The following CTNNA2 variants were observed in gnomAD, a reference collection of about 807,000 sequenced individuals.
The protein encoded by CTNNA2 is catenin alpha 2, also known as catenin alpha-2.
CTNNA2 carries 42 observed loss-of-function variants against 101.0 expected under a neutral mutation model. The ratio of observed to expected loss-of-function variants is 0.42; its 90% CI spans 0.32 to 0.54. CTNNA2 has a LOEUF of 0.54. CTNNA2 is among the 20% of genes least tolerant of loss of function. CTNNA2 has a pLI of 0.14. For synonymous variants in CTNNA2, 450 were observed against 456.4 expected (o/e 0.99, Z 0.18); for missense variants, 871 against 1,223.1 (o/e 0.71, Z 4.29).
intron 7 of CTNNA2, among the ~76,000 whole-genome samples, chr2:80,182,281 G>T: frequency 6.6e-6 from 1 of 152,142 alleles, no homozygotes; most frequent in Non-Finnish European, 1.5e-5. Flanking sequence ...ATGTTTGAGG[G>T]CAGGAAGCAT....
chr2:79,994,641 G>A (rs1290503047), intron 7 of CTNNA2, among the ~76,000 whole-genome samples: 1 of 151,958 alleles, frequency 6.6e-6, no homozygotes, highest in African/African-American at 2.4e-5. Context: ...TAAGGATATC[G>A]CTAAAATCAG....
At chr2:79,482,508 C>T (rs1282118518) in intron 4 of CTNNA2, among the ~76,000 whole-genome samples, 1 of 152,188 alleles carries the variant, frequency 6.6e-6, no homozygotes, top group Non-Finnish European at 1.5e-5. Context: ...CTGGTAGTGA[C>T]ACCTTGGGAT....
At chr2:79,251,547 A>G (rs1192608119) in intron 2 of CTNNA2, among the ~76,000 whole-genome samples, 2 of 152,164 alleles carry the variant, frequency 1.3e-5, no homozygotes, top group Non-Finnish European at 2.9e-5. Flanking sequence ...ATTAGGTTAT[A>G]AAAGAACATA....
At chr2:80,331,362 A>ACT (rs570949576) in intron 7 of CTNNA2, among the ~76,000 whole-genome samples, 32 of 152,134 alleles carry the variant, frequency 2.1e-4, no homozygotes, top group Non-Finnish European at 4.4e-4. Flanking sequence ...GGGTTTAAAT[A>ACT]CTCTCCAATT....
chr2:79,735,608 AGGCTTGCCTCAT>A (rs1159261477), intron 2 of CTNNA2, among the ~76,000 whole-genome samples: 3 of 152,214 alleles, frequency 2.0e-5, no homozygotes, highest in African/African-American at 7.2e-5. Context: ...CTGAGTTACA[AGGCTTGCCTCAT>A]GGCCTTACTT....
intron 7 of CTNNA2, among the ~76,000 whole-genome samples, chr2:79,993,982 C>T (rs1024528264): frequency 6.6e-6 from 1 of 152,170 alleles, no homozygotes; most frequent in African/African-American, 2.4e-5. Context: ...CAGCTCACTG[C>T]AGCCTCAACC....
At position 80,079,671 on chromosome 2, in the gene CTNNA2, G is replaced by A. The variant is rs183466442; in HGVS notation, c.1056+169874G>A. Among the ~76,000 whole-genome samples, 426 of 151,880 alleles carry A rather than the reference G, an allele frequency of 2.8e-3. 1 individual carries two copies. The highest frequency in any genetic ancestry group is 5.9e-3 in the Admixed American group (90 of 15,268). On this transcript the variant is annotated intron_variant, in intron 7 of 18. Coordinates refer to ENST00000402739, the MANE Select transcript of CTNNA2 (RefSeq NM_001282597.3). ...TACTAAAAATACAAAAAAATTAGCC[G>A]GGCGTGGTGGCGGGCGCCTGTAGTC...
intron 1 of CTNNA2, among the ~76,000 whole-genome samples, chr2:79,194,905 T>C (rs556397596): frequency 6.6e-6 from 1 of 152,218 alleles, no homozygotes; most frequent in Non-Finnish European, 1.5e-5. Context: ...AGAAAATTGT[T>C]CTTTTTCTGC....
At chr2:79,415,264 T>A (rs1311473363) in intron 4 of CTNNA2, among the ~76,000 whole-genome samples, 2 of 152,180 alleles carry the variant, frequency 1.3e-5, no homozygotes, top group Non-Finnish European at 2.9e-5. Flanking sequence ...TTGCTCCTGC[T>A]CTTGCCACAT....
At chr2:80,579,244 T>A (rs914708247) in intron 13 of CTNNA2, 1 of 152,348 alleles carries the variant, frequency 6.6e-6, no homozygotes, top group Admixed American at 6.5e-5. Flanking sequence ...TAAAAACTCA[T>A]CATTATTAGC....
At chr2:79,797,660 T>TAAAAAAA (rs10630216) in intron 3 of CTNNA2, among the ~76,000 whole-genome samples, 19 of 121,818 alleles carry the variant, frequency 1.6e-4, no homozygotes, top group South Asian at 1.2e-3. Flanking sequence ...GACTCTGTCT[T>TAAAAAAA]AAAAAAAAAA....
intron 7 of CTNNA2, among the ~76,000 whole-genome samples, chr2:80,139,148 C>T (rs1702859923): frequency 6.6e-6 from 1 of 152,162 alleles, no homozygotes; most frequent in Non-Finnish European, 1.5e-5. Flanking sequence ...GATCCACAGA[C>T]TCTGGAGGAA....
chr2:79,691,489 G>T (rs1445169728), intron 2 of CTNNA2, among the ~76,000 whole-genome samples: 1 of 150,724 alleles, frequency 6.6e-6, no homozygotes, highest in Non-Finnish European at 1.5e-5. Flanking sequence ...CAGACTTTCA[G>T]ACTATATTGA....
At chr2:80,644,621 G>C (rs1372798108) in intron 18 of CTNNA2, among the ~76,000 whole-genome samples, 1 of 152,146 alleles carries the variant, frequency 6.6e-6, no homozygotes, top group South Asian at 2.1e-4. Flanking sequence ...TCATGAAAGT[G>C]CATCTACAGA....
At chr2:79,323,380 T>C (rs562948776) in intron 3 of CTNNA2, among the ~76,000 whole-genome samples, 1 of 152,096 alleles carries the variant, frequency 6.6e-6, no homozygotes, top group Non-Finnish European at 1.5e-5. Context: ...AAATCCAAGT[T>C]CAAAGAGTCT....
At chr2:80,240,950 G>A (rs2149090748) in intron 7 of CTNNA2, among the ~76,000 whole-genome samples, 1 of 152,248 alleles carries the variant, frequency 6.6e-6, no homozygotes, top group South Asian at 2.1e-4. Flanking sequence ...TGGCATTTTA[G>A]GAGCCAGACA....
chr2:80,506,422 C>A (rs1688285593), intron 9 of CTNNA2, among the ~76,000 whole-genome samples: 1 of 152,054 alleles, frequency 6.6e-6, no homozygotes, highest in South Asian at 2.1e-4. Flanking sequence ...CTGTTGGAGG[C>A]TGACCTGTGG....
chr2:79,630,250 T>C (rs1365910180), intron 1 of CTNNA2, among the ~76,000 whole-genome samples: 1 of 152,234 alleles, frequency 6.6e-6, no homozygotes, highest in Non-Finnish European at 1.5e-5. Flanking sequence ...CCCCCTCCTG[T>C]TGGGGACTGT....
chr2:80,114,187 A>T (rs555226801), intron 7 of CTNNA2, among the ~76,000 whole-genome samples: 4 of 152,320 alleles, frequency 2.6e-5, no homozygotes, highest in Admixed American at 2.0e-4. Context: ...AGAGAAGATG[A>T]AAAATATCTG....
Sources: allele counts gnomAD v4.1 joint callset (sites outside exome capture counted in the v4.1 genomes callset), GRCh38; gene constraint gnomAD v4.1.1; transcripts MANE v1.5; gene names NCBI Gene and HGNC (gene_info 2026-07-23, HGNC 2026-07-21).